The following RIMS2 variants were observed in gnomAD, a reference collection of about 807,000 sequenced individuals.
RIMS2 encodes regulating synaptic membrane exocytosis 2.
A neutral mutation model predicts 174.4 loss-of-function variants in RIMS2; 59 were observed. The ratio of observed to expected loss-of-function variants is 0.34; its 90% CI spans 0.27 to 0.42. RIMS2 has a LOEUF of 0.42. Among genes scored for constraint, RIMS2 ranks in the 10% least tolerant of loss-of-function variants. The pLI is 1.00. For missense variants in RIMS2, 1,620 were observed against 1,666.3 expected, an observed-to-expected ratio of 0.97 and a Z score of 0.48; for synonymous variants, 606 against 572.5, an observed-to-expected ratio of 1.06 and a Z score of -0.84.
rs539849905 is a variant in RIMS2, at chr8:103,580,975, G to A, written c.176+79913G>A. Among the ~76,000 whole-genome samples the A allele has an allele frequency of 5.6e-4, 85 of 151,728 alleles. No individual in the cohort carries two copies. In the South Asian group the frequency reaches 7.3e-3, roughly 13 times the overall value. On this transcript the variant is annotated intron_variant, in intron 1 of 23. Transcript: ENST00000504942. ...CTCCCGGGTAGCTGGGACTACAGGCGCCCGCCACCACGTCCAGCTAATTTT... is the reference window on the plus strand; with the variant it reads ...CTCCCGGGTAGCTGGGACTACAGGCACCCGCCACCACGTCCAGCTAATTTT...
chr8:103,655,580 A>G (rs2096520312), intron 1 of RIMS2, among the ~76,000 whole-genome samples: 1 of 152,156 alleles, frequency 6.6e-6, no homozygotes, highest in Non-Finnish European at 1.5e-5. Context: ...TACTTTTGAA[A>G]TACTAGAGAA....
At chr8:104,085,818 A>G (rs1031399900) in intron 19 of RIMS2, among the ~76,000 whole-genome samples, 12 of 152,120 alleles carry the variant, frequency 7.9e-5, no homozygotes, top group African/African-American at 2.9e-4. Context: ...TAAGAGGTAC[A>G]AGGAGAGCTG....
intron 1 of RIMS2, among the ~76,000 whole-genome samples, chr8:103,544,857 A>T (rs557387188): frequency 6.6e-6 from 1 of 152,302 alleles, no homozygotes; most frequent in South Asian, 2.1e-4. Flanking sequence ...TCAAACCATC[A>T]AGGGCATCAA....
At chr8:103,790,561 T>C (rs570868204) in intron 3 of RIMS2, among the ~76,000 whole-genome samples, 1 of 152,306 alleles carries the variant, frequency 6.6e-6, no homozygotes, top group South Asian at 2.1e-4. Flanking sequence ...GACATTTGTG[T>C]GTAACTTTTT....
At chr8:103,741,149 CAT>C (rs1005452049) in intron 2 of RIMS2, among the ~76,000 whole-genome samples, 2 of 151,766 alleles carry the variant, frequency 1.3e-5, no homozygotes, top group African/African-American at 2.4e-5. Flanking sequence ...AAATATAAGA[CAT>C]AAAATTTTAC....
chr8:104,018,828 CTCT>C (rs1191343753), intron 19 of RIMS2, among the ~76,000 whole-genome samples: 1 of 152,118 alleles, frequency 6.6e-6, no homozygotes, highest in Non-Finnish European at 1.5e-5. Flanking sequence ...TTACAGGCTT[CTCT>C]TCTTCATCCC....
In RIMS2 at chr8:103,537,647, T is replaced by A. The variant is rs143844272; in HGVS notation, c.176+36585T>A. On this transcript the variant is annotated intron_variant, in intron 1 of 23. Coordinates refer to ENST00000504942, the Ensembl canonical transcript of RIMS2. ...TTCATAGGGTAGTACTTACCATGTCTGGCTTTACCAAGCCAGATCACTGGC... is the reference window on the plus strand; with the variant it reads ...TTCATAGGGTAGTACTTACCATGTCAGGCTTTACCAAGCCAGATCACTGGC... Among the ~76,000 whole-genome samples the A allele has an allele frequency of 2.0e-3, 297 of 152,280 alleles. 2 individuals carry two copies. The highest frequency in any genetic ancestry group is 6.6e-3 in the African/African-American group (275 of 41,574).
At chr8:103,666,464 G>C (rs2096670673) in intron 1 of RIMS2, among the ~76,000 whole-genome samples, 1 of 152,094 alleles carries the variant, frequency 6.6e-6, no homozygotes. Context: ...GTATTTACTT[G>C]GTCTCAAATC....
chr8:104,069,305 C>T (rs2097156700), intron 19 of RIMS2, among the ~76,000 whole-genome samples: 1 of 152,050 alleles, frequency 6.6e-6, no homozygotes, highest in Admixed American at 6.6e-5. Flanking sequence ...TTCATTGGGA[C>T]ATAAGCCCGT....
intron 14 of RIMS2, among the ~76,000 whole-genome samples, chr8:103,945,749 T>TAA (rs200096706): frequency 7.3e-6 from 1 of 136,534 alleles, no homozygotes; most frequent in Non-Finnish European, 1.6e-5. Context: ...CATTCACAAT[T>TAA]AAAAAAAAAA....
At chr8:103,532,325 G>C (rs1275763286) in intron 1 of RIMS2, among the ~76,000 whole-genome samples, 1 of 152,166 alleles carries the variant, frequency 6.6e-6, no homozygotes, top group Non-Finnish European at 1.5e-5. Flanking sequence ...GGTTGGTTTT[G>C]GCCAGGAGTC....
chr8:103,628,738 A>G (rs1368109365), intron 1 of RIMS2, among the ~76,000 whole-genome samples: 1 of 142,838 alleles, frequency 7.0e-6, no homozygotes, highest in East Asian at 2.1e-4. Context: ...ACCGAGAAAC[A>G]TCAACAGACC....
At chr8:103,543,310 G>A (rs911417986) in intron 1 of RIMS2, among the ~76,000 whole-genome samples, 2 of 152,114 alleles carry the variant, frequency 1.3e-5, no homozygotes, top group Non-Finnish European at 2.9e-5. Context: ...AACCAAGGAG[G>A]TGAAAGATAA....
chr8:103,788,784 T>A (rs1330492740), intron 3 of RIMS2, among the ~76,000 whole-genome samples: 1 of 152,216 alleles, frequency 6.6e-6, no homozygotes, highest in Non-Finnish European at 1.5e-5. Flanking sequence ...CTCCTTGAGC[T>A]GTGGTGGGCT....
At chr8:104,103,214 G>T (rs937001804) in intron 19 of RIMS2, among the ~76,000 whole-genome samples, 2 of 152,048 alleles carry the variant, frequency 1.3e-5, no homozygotes, top group African/African-American at 4.8e-5. Flanking sequence ...ATTACTTGTT[G>T]CCAGGGGTTA....
At chr8:103,680,428 T>G (rs2096865706) in intron 1 of RIMS2, among the ~76,000 whole-genome samples, 1 of 151,982 alleles carries the variant, frequency 6.6e-6, no homozygotes, top group South Asian at 2.1e-4. Flanking sequence ...ATAAAGCTAC[T>G]AGAAGAAACC....
intron 1 of RIMS2, among the ~76,000 whole-genome samples, chr8:103,575,059 A>G (rs1053630053): frequency 6.6e-5 from 10 of 152,208 alleles, no homozygotes; most frequent in African/African-American, 2.4e-4. Flanking sequence ...CTGACAGTGG[A>G]CTCATATCCA....
At chr8:103,614,789 C>G (rs771817381) in intron 1 of RIMS2, among the ~76,000 whole-genome samples, 3 of 152,192 alleles carry the variant, frequency 2.0e-5, no homozygotes, top group Non-Finnish European at 4.4e-5. Flanking sequence ...GTAACAGTTG[C>G]AGAAGTCGCA....
At chr8:104,207,152 G>C (rs1048898750) in intron 19 of RIMS2, among the ~76,000 whole-genome samples, 1 of 152,044 alleles carries the variant, frequency 6.6e-6, no homozygotes, top group African/African-American at 2.4e-5. Context: ...AGTATGTATG[G>C]AGGTTCATAA....
Sources: allele counts gnomAD v4.1 joint callset (sites outside exome capture counted in the v4.1 genomes callset), GRCh38; gene constraint gnomAD v4.1.1; transcripts MANE v1.5; gene names NCBI Gene and HGNC (gene_info 2026-07-23, HGNC 2026-07-21).